The following AMPH variants were observed in gnomAD, a reference collection of about 807,000 sequenced individuals.
AMPH encodes the protein amphiphysin (Stiff-Mann syndrome with breast cancer 128kD autoantigen).
Under a neutral mutation model 99.1 loss-of-function variants are expected in AMPH, and 49 were observed. That is an observed-to-expected ratio of 0.49 (90% confidence interval 0.39 to 0.63). AMPH has a LOEUF of 0.63. Among genes scored for constraint, AMPH ranks in the 20% least tolerant of loss-of-function variants. The pLI is 0.00. For missense variants in AMPH, 759 were observed against 863.4 expected (o/e 0.88, Z 1.52); for synonymous variants, 314 against 317.3 (o/e 0.99, Z 0.11).
chr7:38,590,729 C>T (rs1344686066), intron 1 of AMPH, among the ~76,000 whole-genome samples: 1 of 152,248 alleles, frequency 6.6e-6, no homozygotes, highest in South Asian at 2.1e-4. Context: ...GTCACCTTCC[C>T]CAGCTAGGCT....
At chr7:38,523,906 A>G (rs1790065462) in intron 2 of AMPH, among the ~76,000 whole-genome samples, 1 of 148,984 alleles carries the variant, frequency 6.7e-6, no homozygotes, top group Non-Finnish European at 1.5e-5. Flanking sequence ...AATATTTATT[A>G]ATATTACTTA....
chr7:38,389,405 T>C (rs1173909808), intron 20 of AMPH, among the ~76,000 whole-genome samples: 1 of 152,226 alleles, frequency 6.6e-6, no homozygotes, highest in Non-Finnish European at 1.5e-5. Flanking sequence ...CCTCTCAAGA[T>C]ACAAAGCATT....
chr7:38,618,461 G>A (rs1045754110), intron 1 of AMPH, among the ~76,000 whole-genome samples: 3 of 151,710 alleles, frequency 2.0e-5, no homozygotes, highest in Admixed American at 6.6e-5. Flanking sequence ...ACAGTGAGCC[G>A]AGATCATGCC....
intron 11 of AMPH, among the ~76,000 whole-genome samples, chr7:38,448,610 A>G (rs1389300408): frequency 6.6e-6 from 1 of 152,220 alleles, no homozygotes; most frequent in East Asian, 1.9e-4. Context: ...CTCTCCAAAT[A>G]TCTTACTGTT....
chr7:38,427,227 G>GGTTT (rs1785812841), intron 14 of AMPH, among the ~76,000 whole-genome samples: 1 of 151,918 alleles, frequency 6.6e-6, no homozygotes, highest in African/African-American at 2.4e-5. Context: ...TTATTGCTTG[G>GGTTT]TGCCAACCAA....
intron 11 of AMPH, among the ~76,000 whole-genome samples, chr7:38,445,025 G>A (rs904683956): frequency 3.8e-5 from 5 of 132,914 alleles, no homozygotes; most frequent in African/African-American, 8.6e-5. Context: ...ACACACACAC[G>A]GTATATACAT....
At chr7:38,529,902 C>T (rs1790329464) in intron 2 of AMPH, among the ~76,000 whole-genome samples, 1 of 152,182 alleles carries the variant, frequency 6.6e-6, no homozygotes, top group African/African-American at 2.4e-5. Flanking sequence ...ATTTTATCCA[C>T]ACATTAACAT....
chr7:38,468,845 A>C (rs971068310), intron 7 of AMPH, among the ~76,000 whole-genome samples: 3 of 152,192 alleles, frequency 2.0e-5, no homozygotes, highest in Non-Finnish European at 4.4e-5. Context: ...GTAAAAACTT[A>C]ATGTAACCAG....
At chr7:38,533,494 C>T (rs573158568) in intron 2 of AMPH, among the ~76,000 whole-genome samples, 1 of 152,280 alleles carries the variant, frequency 6.6e-6, no homozygotes, top group African/African-American at 2.4e-5. Flanking sequence ...ACTGATCTAC[C>T]TGGCTCCATA....
chr7:38,554,814 G>A (rs1271775593), intron 1 of AMPH, among the ~76,000 whole-genome samples: 1 of 152,178 alleles, frequency 6.6e-6, no homozygotes, highest in African/African-American at 2.4e-5. Flanking sequence ...CTGCACTGGT[G>A]GGACCAATCA....
chr7:38,493,103 A>G (rs888285991), intron 4 of AMPH, among the ~76,000 whole-genome samples: 1 of 152,206 alleles, frequency 6.6e-6, no homozygotes, highest in Non-Finnish European at 1.5e-5. Context: ...AGTTATAAGA[A>G]GATTATGAAG....
chr7:38,517,263 A>G (rs549845818), intron 2 of AMPH, among the ~76,000 whole-genome samples: 1 of 152,306 alleles, frequency 6.6e-6, no homozygotes, highest in African/African-American at 2.4e-5. Flanking sequence ...TGTAAACCCA[A>G]GTGTTGGAGG....
chr7:38,456,045 T>G (rs886102202), intron 11 of AMPH, among the ~76,000 whole-genome samples: 1 of 152,174 alleles, frequency 6.6e-6, no homozygotes, highest in Non-Finnish European at 1.5e-5. Flanking sequence ...CCTTCCCCAG[T>G]TGCAGTGGGT....
rs368306469 is a variant in AMPH at position 38,384,785 on chromosome 7, G to A, written c.*33C>T. 106 of 1,567,886 alleles carry A rather than the reference G, an allele frequency of 6.8e-5. No homozygotes were observed. Among genetic ancestry groups the A allele is most frequent in the Non-Finnish European group, 8.0e-5 (91 of 1,138,876 alleles). On this transcript the variant is annotated 3_prime_UTR_variant, in exon 21 of 21. Coordinates refer to ENST00000356264, the MANE Select transcript of AMPH (RefSeq NM_001635.4). ...GTTTTCATGAAGGTTTAAAAACCCC[G>A]TAACTGAGCTCCTTCTTGCAGTACT...
chr7:38,435,142 G>C (rs1786211413), intron 12 of AMPH, among the ~76,000 whole-genome samples: 1 of 152,154 alleles, frequency 6.6e-6, no homozygotes, highest in African/African-American at 2.4e-5. Context: ...TCACCTAAGA[G>C]ACCCTTTTGT....
chr7:38,422,591 TATCTATCTATCC>T lies in AMPH; in HGVS notation c.1216-126_1216-115del, dbSNP rs1440281274. The T allele has an allele frequency of 2.0e-4, 147 of 741,932 alleles. 2 individuals carry two copies. In the Admixed American group the frequency reaches 2.9e-3, roughly 15 times the overall value. 46.0% of individuals were successfully genotyped at this position (741,932 alleles called of 1,614,324 possible). ...CTATCTATCTATCTATCTATCTATC[TATCTATCTATCC>T]ATCTATCTATCGACACTCTATCTAT... On this transcript the variant is annotated intron_variant, in intron 15 of 20. Transcript: ENST00000356264.
In AMPH at chr7:38,414,429, T is replaced by C. The variant is rs191780920; in HGVS notation, c.1398+3396A>G. 2.0e-4 allele frequency among the ~76,000 whole-genome samples: 30 copies of C among 152,162 alleles called. No homozygotes were observed. In the East Asian group the frequency reaches 3.9e-3, roughly 20 times the overall value. On this transcript the variant is annotated intron_variant, in intron 17 of 20. Coordinates refer to ENST00000356264, the MANE Select transcript of AMPH (RefSeq NM_001635.4). ...ACACGGCATTATTTTGAAAAAATAA[T>C]AGGCAAAAAAGAACACTGGTATAAT...
intron 1 of AMPH, among the ~76,000 whole-genome samples, chr7:38,538,628 T>C (rs534832294): frequency 1.3e-4 from 20 of 152,262 alleles, no homozygotes; most frequent in African/African-American, 4.8e-4. Context: ...GAAGGCAAGA[T>C]AGGAATAATG....
At chr7:38,558,952 T>C (rs1425438077) in intron 1 of AMPH, among the ~76,000 whole-genome samples, 1 of 152,238 alleles carries the variant, frequency 6.6e-6, no homozygotes, top group Non-Finnish European at 1.5e-5. Context: ...TAATCTATAC[T>C]GGCAGCAACA....
Sources: allele counts gnomAD v4.1 joint callset (sites outside exome capture counted in the v4.1 genomes callset), GRCh38; gene constraint gnomAD v4.1.1; transcripts MANE v1.5; gene names NCBI Gene and HGNC (gene_info 2026-07-23, HGNC 2026-07-21).